TXNRD1: variants seen among roughly 807,000 people sequenced by gnomAD.
The protein encoded by TXNRD1 is thioredoxin reductase 1.
Under a neutral mutation model 80.3 loss-of-function variants are expected in TXNRD1, and 57 were observed. That is an observed-to-expected ratio of 0.71 (90% CI 0.57 to 0.89). TXNRD1 has a LOEUF of 0.89. Ranked by LOEUF, TXNRD1 falls within the 40% of genes least tolerant of loss-of-function variation. The probability of loss-of-function intolerance (pLI) is 0.00; values close to 1 mark genes in which losing one functional copy is unlikely to be tolerated. For synonymous variants in TXNRD1, 291 were observed against 285.2 expected (o/e 1.02, Z -0.20); for missense variants, 730 against 803.0 (o/e 0.91, Z 1.10).
At chr12:104,253,891 C>T (rs1000255707) in intron 2 of TXNRD1, among the ~76,000 whole-genome samples, 11 of 152,268 alleles carry the variant, frequency 7.2e-5, no homozygotes, top group Admixed American at 5.2e-4. Context: ...TGGGGTTTCA[C>T]TATGTGGCCA....
At position 104,215,962 on chromosome 12, in the gene TXNRD1, G is replaced by A. The variant is rs1320425698; in HGVS notation, c.91+69G>A. ...AAGCGGGCCTTCCGGCCGGGGTTGGGGATAAAGTGCCCCGGAGCCCTGGCC... is the reference window on the plus strand; with the variant it reads ...AAGCGGGCCTTCCGGCCGGGGTTGGAGATAAAGTGCCCCGGAGCCCTGGCC... On this transcript the variant is annotated intron_variant, in intron 1 of 16. Coordinates refer to ENST00000525566, the MANE Select transcript of TXNRD1 (RefSeq NM_001093771.3). 12 of 1,352,566 alleles carry A rather than the reference G, an allele frequency of 8.9e-6. No individual in the cohort carries two copies. The Admixed American group carries it at 1.5e-4, about 17-fold the overall frequency. The allele number at this position is 1,352,566 out of a possible 1,614,324, so 83.8% of individuals were successfully genotyped here.
At chr12:104,275,956 A>C (rs1034938238) in intron 3 of TXNRD1, among the ~76,000 whole-genome samples, 2 of 152,238 alleles carry the variant, frequency 1.3e-5, no homozygotes, top group African/African-American at 4.8e-5. Flanking sequence ...TGAGTAAACA[A>C]AGGCACAGAG....
chr12:104,258,594 G>A (rs1237203808), intron 3 of TXNRD1, among the ~76,000 whole-genome samples: 1 of 151,972 alleles, frequency 6.6e-6, no homozygotes, highest in Non-Finnish European at 1.5e-5. Context: ...CTTTTTTGTG[G>A]GTCAGAAAAT....
At chr12:104,341,723 A>T (rs1462163960) in intron 16 of TXNRD1, among the ~76,000 whole-genome samples, 2 of 152,042 alleles carry the variant, frequency 1.3e-5, no homozygotes, top group Non-Finnish European at 2.9e-5. Flanking sequence ...GTGACCTCTA[A>T]TGTAACTCAA....
intron 2 of TXNRD1, among the ~76,000 whole-genome samples, chr12:104,253,292 T>A (rs1181897454): frequency 6.6e-6 from 1 of 152,190 alleles, no homozygotes; most frequent in Non-Finnish European, 1.5e-5. Flanking sequence ...GAACACATTC[T>A]GCATCGATGC....
intron 1 of TXNRD1, among the ~76,000 whole-genome samples, chr12:104,245,181 A>C (rs1165749404): frequency 2.7e-5 from 4 of 150,724 alleles, no homozygotes; most frequent in Non-Finnish European, 5.9e-5. Flanking sequence ...TCATTATTTT[A>C]GATTTTTTTT....
chr12:104,265,893 GAAAAA>G (rs34390973), intron 3 of TXNRD1: 997 of 573,054 alleles, frequency 1.7e-3, no homozygotes, highest in South Asian at 3.8e-3. Context: ...CGCCCCGGTG[GAAAAA>G]AAAAAAAAAA....
intron 4 of TXNRD1, among the ~76,000 whole-genome samples, chr12:104,302,092 A>G (rs988023919): frequency 6.6e-6 from 1 of 152,226 alleles, no homozygotes; most frequent in African/African-American, 2.4e-5. Context: ...GAAGCCAACA[A>G]TCTAATAGGG....
rs1190505718 is a variant in TXNRD1 at position 104,277,264 on chromosome 12, G to C, written c.305-11667G>C. Among the ~76,000 whole-genome samples the C allele has an allele frequency of 2.0e-5, 3 of 151,646 alleles. No homozygotes were observed. In the East Asian group the frequency reaches 5.8e-4, roughly 29 times the overall value. On this transcript the variant is annotated intron_variant, in intron 3 of 16. Coordinates refer to ENST00000525566, the MANE Select transcript of TXNRD1 (RefSeq NM_001093771.3). ...AAAAAAAAAAAATTAGCTGGGTGTGGTGGCGGGCGCCTATAGTACCAGCTA... is the reference window on the plus strand; with the variant it reads ...AAAAAAAAAAAATTAGCTGGGTGTGCTGGCGGGCGCCTATAGTACCAGCTA...
intron 4 of TXNRD1, among the ~76,000 whole-genome samples, chr12:104,298,807 A>AG (rs1389743102): frequency 7.6e-6 from 1 of 131,954 alleles, no homozygotes; most frequent in Non-Finnish European, 1.6e-5. Flanking sequence ...GTTTGTATAC[A>AG]GTTTTTTTTT....
intron 1 of TXNRD1, among the ~76,000 whole-genome samples, chr12:104,241,429 TGGCAAATCTC>T (rs1293965853): frequency 1.3e-5 from 2 of 151,690 alleles, no homozygotes; most frequent in Non-Finnish European, 2.9e-5. Context: ...TGGAGAGCAA[TGGCAAATCTC>T]GGCTCACCGC....
chr12:104,311,614 T>C (rs1038378515), intron 5 of TXNRD1, among the ~76,000 whole-genome samples: 2 of 152,220 alleles, frequency 1.3e-5, no homozygotes, highest in African/African-American at 4.8e-5. Flanking sequence ...ACATTCCTTA[T>C]ATTAAAGTAT....
chr12:104,304,576 A>G (rs2034807199), intron 4 of TXNRD1: 1 of 1,614,060 alleles, frequency 6.2e-7, no homozygotes, highest in South Asian at 1.1e-5. Context: ...GTAGTTATCC[A>G]GAAGCGACAG....
At chr12:104,238,909 T>G (rs1360148740) in intron 1 of TXNRD1, among the ~76,000 whole-genome samples, 3 of 152,066 alleles carry the variant, frequency 2.0e-5, no homozygotes, top group Non-Finnish European at 2.9e-5. Flanking sequence ...TGCAATGGTG[T>G]GATCTCAGCT....
intron 4 of TXNRD1, among the ~76,000 whole-genome samples, chr12:104,294,798 A>C (rs1012009039): frequency 2.6e-5 from 4 of 152,212 alleles, no homozygotes; most frequent in Non-Finnish European, 5.9e-5. Context: ...TAACTTCTAA[A>C]GTTACCAGAA....
intron 4 of TXNRD1, among the ~76,000 whole-genome samples, chr12:104,308,898 CTTTTTT>C (rs11484262): frequency 7.7e-6 from 1 of 129,738 alleles, no homozygotes; most frequent in African/African-American, 2.9e-5. Context: ...AACAATGTTT[CTTTTTT>C]TTTTTTTTTT....
chr12:104,340,094 A>T (rs1310999383), intron 16 of TXNRD1, among the ~76,000 whole-genome samples: 1 of 152,190 alleles, frequency 6.6e-6, no homozygotes, highest in Admixed American at 6.5e-5. Flanking sequence ...AAAACATTTT[A>T]GCTTTCTTTT....
At chr12:104,309,889 G>A in intron 4 of TXNRD1, 1 of 1,536,056 alleles carries the variant, frequency 6.5e-7, no homozygotes, top group Non-Finnish European at 8.7e-7. Flanking sequence ...ACTGTTGCTG[G>A]TTTCCAGGTG....
intron 11 of TXNRD1, among the ~76,000 whole-genome samples, chr12:104,325,871 CA>C (rs34788892): frequency 0.89 from 115,520 of 130,058 alleles, 51,043 homozygotes; most frequent in African/African-American, 0.96. Context: ...GACTCCATCT[CA>C]AAAAAAAAAA....
Sources: allele counts gnomAD v4.1 joint callset (sites outside exome capture counted in the v4.1 genomes callset), GRCh38; gene constraint gnomAD v4.1.1; transcripts MANE v1.5; gene names NCBI Gene and HGNC (gene_info 2026-07-23, HGNC 2026-07-21).